NRG1: variants seen among roughly 807,000 people sequenced by gnomAD.
NRG1 encodes the protein pro-neuregulin-1, membrane-bound isoform.
In NRG1, 18 loss-of-function variants were observed where a neutral mutation model predicts 63.8. The observed-to-expected ratio is 0.28, with a 90% confidence interval of 0.19 to 0.42. NRG1 has a LOEUF of 0.42. Among genes scored for constraint, NRG1 ranks in the 10% least tolerant of loss-of-function variants. The probability of loss-of-function intolerance (pLI) is 1.00; values close to 1 mark genes in which losing one functional copy is unlikely to be tolerated. For synonymous variants in NRG1, 302 were observed against 301.3 expected (o/e 1.00, Z -0.02); for missense variants, 762 against 814.7 (o/e 0.94, Z 0.79).
chr8:32,599,140 G>C (rs1346013131), intron 2 of NRG1, among the ~76,000 whole-genome samples: 1 of 151,954 alleles, frequency 6.6e-6, no homozygotes, highest in Non-Finnish European at 1.5e-5. Flanking sequence ...TTAATTAAAA[G>C]ATTCTTATTT....
At chr8:32,517,416 G>C (rs1280694341) in intron 1 of NRG1, among the ~76,000 whole-genome samples, 1 of 152,088 alleles carries the variant, frequency 6.6e-6, no homozygotes, top group Non-Finnish European at 1.5e-5. Flanking sequence ...TGGTACATGT[G>C]GGGCGGCCAG....
Position 32,174,339 on chromosome 8 carries a change from T to C in NRG1, c.38-421489T>C, listed in dbSNP as rs573161874. On this transcript the variant is annotated intron_variant, in intron 1 of 10. Coordinates refer to the NRG1 transcript ENST00000519301. ...TCTGGGACACATTCAAAGCAGTGTG[T>C]AGAGGGAAATTTATAGCACTAAATG... Among the ~76,000 whole-genome samples the C allele has an allele frequency of 2.3e-3, 343 of 151,794 alleles. 2 individuals are homozygous for C. Among genetic ancestry groups the C allele is most frequent in the African/African-American group, 8.0e-3 (330 of 41,400 alleles).
chr8:32,649,280 C>A (rs1854453708), intron 5 of NRG1, among the ~76,000 whole-genome samples: 1 of 151,124 alleles, frequency 6.6e-6, no homozygotes, highest in African/African-American at 2.4e-5. Context: ...TTCCTGTTTG[C>A]ATTGCGTAAT....
chr8:32,363,746 G>A (rs1807556323), intron 1 of NRG1, among the ~76,000 whole-genome samples: 1 of 151,618 alleles, frequency 6.6e-6, no homozygotes. Context: ...AACAACAAAT[G>A]GGCCCTTCAG....
At chr8:32,321,738 T>C (rs1325793581) in intron 1 of NRG1, among the ~76,000 whole-genome samples, 1 of 152,112 alleles carries the variant, frequency 6.6e-6, no homozygotes, top group Admixed American at 6.6e-5. Flanking sequence ...TAAATCCATA[T>C]TAAAGTCTTA....
intron 1 of NRG1, among the ~76,000 whole-genome samples, chr8:32,464,044 C>T (rs544543636): frequency 1.3e-5 from 2 of 151,320 alleles, no homozygotes; most frequent in African/African-American, 4.8e-5. Flanking sequence ...AGGTGCCTGC[C>T]ACCATGACCA....
intron 1 of NRG1, among the ~76,000 whole-genome samples, chr8:32,262,782 C>A (rs1382221299): frequency 6.6e-6 from 1 of 151,856 alleles, no homozygotes; most frequent in Non-Finnish European, 1.5e-5. Flanking sequence ...TTTTGTTTTT[C>A]TTTCGAATGT....
intron 1 of NRG1, among the ~76,000 whole-genome samples, chr8:31,759,769 A>T (rs928841152): frequency 6.6e-6 from 1 of 152,094 alleles, no homozygotes; most frequent in Non-Finnish European, 1.5e-5. Flanking sequence ...TTTGATTGGT[A>T]TTGCTTTGAG....
rs115826593 is a variant in NRG1, at chr8:32,555,874, G to A, written c.100+7048G>A. Reference sequence around the variant, plus strand: ...TTATCTTTGACATGAGTTACTCTCAGGATATTACTCCCCTTCCCTTTTTAA... The same window carrying A: ...TTATCTTTGACATGAGTTACTCTCAAGATATTACTCCCCTTCCCTTTTTAA... On this transcript the variant is annotated intron_variant, in intron 1 of 11. Transcript: ENST00000356819. 5.2e-3 allele frequency among the ~76,000 whole-genome samples: 795 copies of A among 152,310 alleles called. 5 individuals carry two copies. Among genetic ancestry groups the A allele is most frequent in the African/African-American group, 0.018 (757 of 41,574 alleles).
At chr8:32,727,587 A>G (rs1456426962) in intron 5 of NRG1, among the ~76,000 whole-genome samples, 2 of 152,222 alleles carry the variant, frequency 1.3e-5, no homozygotes, top group African/African-American at 4.8e-5. Context: ...ATTGAGCTGC[A>G]CTGACATGAC....
At chr8:32,716,569 T>C (rs1318144440) in intron 5 of NRG1, among the ~76,000 whole-genome samples, 1 of 152,214 alleles carries the variant, frequency 6.6e-6, no homozygotes, top group African/African-American at 2.4e-5. Context: ...GATACAGTGC[T>C]ACCAGGAAAA....
Position 31,696,440 on chromosome 8 carries a change from G to A in NRG1, c.37+57009G>A, listed in dbSNP as rs181582390. 2.1e-3 allele frequency among the ~76,000 whole-genome samples: 320 copies of A among 152,234 alleles called. 1 individual carries two copies. Among genetic ancestry groups the A allele is most frequent in the Middle Eastern group, 3.4e-3 (1 of 294 alleles). ...ATCTGTGTACTAGAAAGAAGATCCT[G>A]GCTTTACTAACTAGGAGGGAAAAAA... On this transcript the variant is annotated intron_variant, in intron 1 of 10. Transcript: ENST00000519301.
intron 5 of NRG1, among the ~76,000 whole-genome samples, chr8:32,643,327 G>T (rs554455148): frequency 3.9e-5 from 6 of 152,176 alleles, no homozygotes; most frequent in Non-Finnish European, 4.4e-5. Flanking sequence ...AGTTTGTTCT[G>T]CTTTCAGGCA....
intron 8 of NRG1, 21 bp from the exon 9 acceptor site, chr8:32,756,382 T>C: frequency 6.3e-7 from 1 of 1,596,074 alleles, no homozygotes; most frequent in Non-Finnish European, 8.5e-7. Flanking sequence ...AAAAAATAAA[T>C]GCTCCCTTTC....
intron 1 of NRG1, among the ~76,000 whole-genome samples, chr8:31,786,350 A>G (rs1338427558): frequency 1.3e-5 from 2 of 152,216 alleles, no homozygotes; most frequent in East Asian, 3.8e-4. Flanking sequence ...AGTAGTCAAC[A>G]CAGAAGACTT....
At chr8:32,378,450 G>A (rs1054930055) in intron 1 of NRG1, among the ~76,000 whole-genome samples, 5 of 152,070 alleles carry the variant, frequency 3.3e-5, no homozygotes, top group Admixed American at 1.3e-4. Flanking sequence ...TACAGGATTA[G>A]GATAGAAGCC....
chr8:31,691,508 C>T (rs573094216), intron 1 of NRG1, among the ~76,000 whole-genome samples: 22 of 140,468 alleles, frequency 1.6e-4, no homozygotes, highest in Non-Finnish European at 3.0e-4. Context: ...GGCGGGAGAA[C>T]GGCATGAACC....
chr8:31,727,725 T>A (rs1813589986), intron 1 of NRG1, among the ~76,000 whole-genome samples: 1 of 152,176 alleles, frequency 6.6e-6, no homozygotes, highest in African/African-American at 2.4e-5. Context: ...AAACTGCACC[T>A]GGTACCAAGT....
chr8:32,566,113 G>A (rs1837384788), intron 1 of NRG1, among the ~76,000 whole-genome samples: 1 of 152,076 alleles, frequency 6.6e-6, no homozygotes, highest in African/African-American at 2.4e-5. Context: ...CAGCACTTTG[G>A]GAGGCCAAGG....
Sources: allele counts gnomAD v4.1 joint callset (sites outside exome capture counted in the v4.1 genomes callset), GRCh38; gene constraint gnomAD v4.1.1; transcripts MANE v1.5; gene names NCBI Gene and HGNC (gene_info 2026-07-23, HGNC 2026-07-21).